CSMD1: variants seen among roughly 807,000 people sequenced by gnomAD.
The protein encoded by CSMD1 is CUB and sushi domain-containing protein 1.
CSMD1 carries 213 observed loss-of-function variants against 417.5 expected under a neutral mutation model. The ratio of observed to expected loss-of-function variants is 0.51; its 90% CI spans 0.46 to 0.57. CSMD1 has a LOEUF of 0.57. Among genes scored for constraint, CSMD1 ranks in the 20% least tolerant of loss-of-function variants. The pLI is 0.00. For missense variants in CSMD1, 6,923 were observed against 4,529.7 expected, an observed-to-expected ratio of 1.53 and a Z score of -15.17; for synonymous variants, 2,862 against 1,736.8, an observed-to-expected ratio of 1.65 and a Z score of -16.11.
At chr8:3,791,072 A>G (rs1799711838) in intron 5 of CSMD1, among the ~76,000 whole-genome samples, 1 of 152,230 alleles carries the variant, frequency 6.6e-6, no homozygotes. Context: ...CTACTTGGTG[A>G]GAAATTAATT....
intron 12 of CSMD1, among the ~76,000 whole-genome samples, chr8:3,463,170 G>A (rs768808880): frequency 9.2e-5 from 14 of 152,122 alleles, no homozygotes; most frequent in Non-Finnish European, 1.9e-4. Flanking sequence ...AACTAACTGT[G>A]CACCTGTCGT....
At chr8:4,582,443 A>G (rs1799467028) in intron 2 of CSMD1, among the ~76,000 whole-genome samples, 2 of 152,084 alleles carry the variant, frequency 1.3e-5, no homozygotes, top group African/African-American at 2.4e-5. Context: ...GAGAAAGAAA[A>G]CACAGAGTGG....
intron 25 of CSMD1, among the ~76,000 whole-genome samples, chr8:3,301,094 G>T (rs149625284): frequency 6.6e-6 from 1 of 151,866 alleles, no homozygotes; most frequent in Non-Finnish European, 1.5e-5. Context: ...TGCCATTGAT[G>T]TCTATAGGGG....
At chr8:3,171,970 C>A (rs1039771371) in intron 37 of CSMD1, among the ~76,000 whole-genome samples, 8 of 152,104 alleles carry the variant, frequency 5.3e-5, no homozygotes, top group African/African-American at 1.9e-4. Context: ...GCTTCTGTTT[C>A]CAAAGGCTAG....
At chr8:3,240,233 G>T (rs914606019) in intron 26 of CSMD1, among the ~76,000 whole-genome samples, 2 of 152,096 alleles carry the variant, frequency 1.3e-5, no homozygotes, top group South Asian at 4.1e-4. Context: ...AAAAGGTTGG[G>T]ATGAGACAGG....
At chr8:3,738,914 G>A (rs1260177178) in intron 6 of CSMD1, among the ~76,000 whole-genome samples, 3 of 152,100 alleles carry the variant, frequency 2.0e-5, no homozygotes, top group Admixed American at 1.3e-4. Flanking sequence ...GGCCTCCATG[G>A]TCTTCCCTCT....
chr8:4,783,123 A>G (rs1451481417), intron 1 of CSMD1, among the ~76,000 whole-genome samples: 2 of 152,232 alleles, frequency 1.3e-5, no homozygotes, highest in Non-Finnish European at 1.5e-5. Context: ...CAGAGTTAAC[A>G]TGTCATATGT....
intron 1 of CSMD1, among the ~76,000 whole-genome samples, chr8:4,821,491 T>G (rs1264608222): frequency 6.6e-6 from 1 of 152,176 alleles, no homozygotes; most frequent in African/African-American, 2.4e-5. Context: ...TTCTCATATT[T>G]CATGCACATT....
rs59549385 is a variant in CSMD1, at chr8:4,305,108, A to C, written c.415+114845T>G. Among the ~76,000 whole-genome samples, 1,454 of 152,304 alleles carry C rather than the reference A, an allele frequency of 9.5e-3. 118 individuals carry two copies. The East Asian group carries it at 0.2, about 21-fold the overall frequency. On this transcript the variant is annotated intron_variant, in intron 3 of 69. Transcript: ENST00000635120. ...CAACAGGTTCCATGCCTCCTGGATAAAATTTCAAAAATAATATTGCGGATA... is the reference window on the plus strand; with the variant it reads ...CAACAGGTTCCATGCCTCCTGGATACAATTTCAAAAATAATATTGCGGATA...
rs1259046809 is a variant in CSMD1 at position 4,137,600 on chromosome 8, G to A, written c.416-105501C>T. ...GTTAATGGAACTGGTTGGTTTGTAA[G>A]ATACAAAAAAGACAACTGTTAATTG... On this transcript the variant is annotated intron_variant, in intron 3 of 69. Transcript: ENST00000635120. Among the ~76,000 whole-genome samples the A allele has an allele frequency of 2.3e-5, 3 of 131,110 alleles. 1 individual carries two copies. Among genetic ancestry groups the A allele is most frequent in the East Asian group, 2.0e-4 (1 of 4,978 alleles). The allele number at this position is 131,110 out of a possible 152,430, so 86.0% of individuals were successfully genotyped here.
intron 4 of CSMD1, among the ~76,000 whole-genome samples, chr8:4,003,078 C>G (rs1286135779): frequency 6.6e-6 from 1 of 152,090 alleles, no homozygotes; most frequent in Non-Finnish European, 1.5e-5. Flanking sequence ...ATTATTTATA[C>G]TTACTTGCTT....
chr8:4,573,956 G>T (rs987872156), intron 2 of CSMD1, among the ~76,000 whole-genome samples: 1 of 152,130 alleles, frequency 6.6e-6, no homozygotes, highest in African/African-American at 2.4e-5. Flanking sequence ...CCTCAGTAAT[G>T]GCAGACATCC....
At chr8:4,577,789 T>TA (rs1799205995) in intron 2 of CSMD1, among the ~76,000 whole-genome samples, 1 of 152,182 alleles carries the variant, frequency 6.6e-6, no homozygotes. Flanking sequence ...TCATTGAGAA[T>TA]AAAAAAGATA....
chr8:4,023,346 A>T (rs553746981), intron 4 of CSMD1, among the ~76,000 whole-genome samples: 1 of 152,206 alleles, frequency 6.6e-6, no homozygotes, highest in African/African-American at 2.4e-5. Context: ...TTAATACTGT[A>T]TTAATGAAAC....
At position 4,023,415 on chromosome 8, in the gene CSMD1, T is replaced by C. The variant is rs1796886364; in HGVS notation, c.610+8490A>G. 2.0e-5 allele frequency among the ~76,000 whole-genome samples: 3 copies of C among 152,156 alleles called. No homozygotes were observed. In the South Asian group the frequency reaches 6.2e-4, roughly 32 times the overall value. ...AACAAAAGTAATTCCAATTTCATTA[T>C]GAATAATTGAGGCAAAGCCAGCACT... On this transcript the variant is annotated intron_variant, in intron 4 of 69. Coordinates refer to ENST00000635120, the MANE Select transcript of CSMD1 (RefSeq NM_033225.6).
intron 37 of CSMD1, among the ~76,000 whole-genome samples, chr8:3,170,895 C>T (rs1161185781): frequency 2.0e-5 from 3 of 152,206 alleles, no homozygotes; most frequent in Non-Finnish European, 2.9e-5. Flanking sequence ...CGAGTCAACA[C>T]ACTTGGGTGA....
chr8:3,663,555 G>T (rs369267920), intron 7 of CSMD1, among the ~76,000 whole-genome samples: 1 of 152,230 alleles, frequency 6.6e-6, no homozygotes, highest in East Asian at 1.9e-4. Context: ...CGGCCAACCT[G>T]CCTCCAACTC....
At position 3,343,323 on chromosome 8, in the gene CSMD1, G is replaced by T. The variant is rs1448668020; in HGVS notation, c.3602C>A (p.Thr1201Asn). 1.2e-6 allele frequency: 2 copies of T among 1,613,726 alleles called. No individual in the cohort carries two copies. The highest frequency in any genetic ancestry group is 1.7e-6 in the Non-Finnish European group (2 of 1,179,688). Residue 1201 changes from threonine (T) to asparagine (N), a missense_variant, in exon 23 of 70, where the codon ACC becomes AAC. Coordinates refer to ENST00000635120, the MANE Select transcript of CSMD1 (RefSeq NM_033225.6). ...WLEFNTNGSDTDQGFQLTYTS... is the reference protein window; with the variant it reads ...WLEFNTNGSDNDQGFQLTYTS... The stretch of plus-strand genomic sequence containing the variant: ...ATAGGTGAGTTGAAAACCTTGGTCG[G>T]TGTCAGATCCATTGGTGTTGAACTC...
intron 1 of CSMD1, among the ~76,000 whole-genome samples, chr8:4,750,930 C>A (rs1407881710): frequency 1.3e-5 from 2 of 152,158 alleles, no homozygotes; most frequent in African/African-American, 4.8e-5. Context: ...CATTGCCTGG[C>A]ATAATGTTGG....
Sources: gnomAD v4.1 joint callset for allele counts (sites outside exome capture counted in the v4.1 genomes callset) on GRCh38, gnomAD v4.1.1 for gene constraint, MANE v1.5 for transcripts, NCBI Gene and HGNC (gene_info 2026-07-23, HGNC 2026-07-21) for gene names.